The following PROS1 variants were observed in gnomAD, a reference collection of about 807,000 sequenced individuals.
PROS1 encodes protein S.
A neutral mutation model predicts 75.9 loss-of-function variants in PROS1; 29 were observed. The ratio of observed to expected loss-of-function variants is 0.38; its 90% CI spans 0.28 to 0.52. The LOEUF is 0.52. Ranked by LOEUF, PROS1 falls within the 20% of genes least tolerant of loss-of-function variation. The pLI is 0.83. For missense variants in PROS1, 680 were observed against 810.3 expected (o/e 0.84, Z 1.95); for synonymous variants, 245 against 280.6 (o/e 0.87, Z 1.27).
intron 6 of PROS1, 120 bp from the exon 7 acceptor site, chr3:93,901,049 C>A (rs943309578): frequency 1.9e-6 from 2 of 1,079,384 alleles, no homozygotes; most frequent in African/African-American, 3.2e-5. Flanking sequence ...AACAGATTGG[C>A]CTTTGGACCA....
chr3:93,969,603 T>G (rs1168960732), intron 1 of PROS1, among the ~76,000 whole-genome samples: 1 of 152,180 alleles, frequency 6.6e-6, no homozygotes, highest in Non-Finnish European at 1.5e-5. Context: ...AATTGAGTCA[T>G]CTGATTGGCA....
intron 1 of PROS1, among the ~76,000 whole-genome samples, chr3:93,941,044 C>A (rs1233737071): frequency 6.6e-6 from 1 of 152,144 alleles, no homozygotes; most frequent in Non-Finnish European, 1.5e-5. Flanking sequence ...CTGCACCCCT[C>A]ATCCCAGCCT....
chr3:93,877,604 C>T (rs1298483576), intron 13 of PROS1, among the ~76,000 whole-genome samples: 1 of 152,112 alleles, frequency 6.6e-6, no homozygotes, highest in Non-Finnish European at 1.5e-5. Context: ...TAAGCATATG[C>T]CAGCAGGACT....
chr3:93,926,357 C>T (rs957649339), intron 2 of PROS1, among the ~76,000 whole-genome samples: 3 of 152,114 alleles, frequency 2.0e-5, no homozygotes, highest in South Asian at 2.1e-4. Flanking sequence ...GTGGGCCGGG[C>T]GCAGTGGCTC....
intron 1 of PROS1, among the ~76,000 whole-genome samples, chr3:93,946,232 A>T (rs1018444991): frequency 5.3e-5 from 8 of 152,204 alleles, no homozygotes; most frequent in Non-Finnish European, 1.2e-4. Context: ...CATACTGCCC[A>T]AGGTAATTTA....
chr3:93,906,163 A>G lies in PROS1; in HGVS notation c.347-20T>C, dbSNP rs772735402. ...GAATGGCTGAAGGAAATAGACATCT[A>G]TTTATTTTTTTTATCTCATGTCATG... On this transcript the variant is annotated intron_variant, in intron 4 of 14. Transcript: ENST00000394236. 6.2e-7 allele frequency: 1 copy of G among 1,611,500 alleles called. No individual in the cohort carries two copies. The highest frequency in any genetic ancestry group is 8.5e-7 in the Non-Finnish European group (1 of 1,179,174).
chr3:93,967,012 C>T (rs1325627424), intron 1 of PROS1, among the ~76,000 whole-genome samples: 4 of 152,118 alleles, frequency 2.6e-5, no homozygotes, highest in African/African-American at 9.7e-5. Flanking sequence ...ATATGGCTTT[C>T]GGGTTGCCCC....
At chr3:93,889,816 T>C (rs942650355) in intron 10 of PROS1, among the ~76,000 whole-genome samples, 1 of 152,172 alleles carries the variant, frequency 6.6e-6, no homozygotes, top group Non-Finnish European at 1.5e-5. Flanking sequence ...GTGTTAACTG[T>C]ACAAATTGAT....
At chr3:93,909,331 C>A (rs575816306) in intron 4 of PROS1, among the ~76,000 whole-genome samples, 1 of 148,312 alleles carries the variant, frequency 6.7e-6, no homozygotes, top group East Asian at 2.1e-4. Flanking sequence ...GCTACTCAGG[C>A]GGCTGAGGCA....
intron 6 of PROS1, among the ~76,000 whole-genome samples, chr3:93,903,493 A>T (rs112842259): frequency 3.9e-4 from 59 of 152,182 alleles, no homozygotes; most frequent in African/African-American, 1.3e-3. Flanking sequence ...ACAAAACTCC[A>T]TCTGTCTCTG....
intron 10 of PROS1, among the ~76,000 whole-genome samples, chr3:93,887,615 A>G (rs1424735293): frequency 6.6e-6 from 1 of 152,244 alleles, no homozygotes; most frequent in Non-Finnish European, 1.5e-5. Flanking sequence ...AAGTTGGTCA[A>G]CACTCCTTCT....
intron 12 of PROS1, 61 bp downstream of exon 12, chr3:93,884,667 T>G: frequency 6.7e-7 from 1 of 1,492,272 alleles, no homozygotes; most frequent in Non-Finnish European, 9.3e-7. Context: ...ATTATTACTG[T>G]TTGTTAATGA....
intron 1 of PROS1, among the ~76,000 whole-genome samples, chr3:93,930,786 A>G (rs1399203462): frequency 6.6e-6 from 1 of 152,208 alleles, no homozygotes; most frequent in Non-Finnish European, 1.5e-5. Flanking sequence ...AAAAGCATGC[A>G]ACATATTTTT....
intron 3 of PROS1, among the ~76,000 whole-genome samples, chr3:93,923,315 G>A (rs1384686784): frequency 2.6e-5 from 4 of 152,062 alleles, no homozygotes; most frequent in African/African-American, 9.7e-5. Context: ...AATGTACTCT[G>A]ATCAAAGGAA....
At chr3:93,958,092 A>T (rs533975614) in intron 1 of PROS1, among the ~76,000 whole-genome samples, 27 of 152,176 alleles carry the variant, frequency 1.8e-4, no homozygotes, top group Non-Finnish European at 2.5e-4. Context: ...CATCTCAAAA[A>T]AATAATAATA....
In PROS1 at chr3:93,963,883, C is replaced by G. The variant is rs1364168178; in HGVS notation, c.76+9791G>C. On this transcript the variant is annotated intron_variant, in intron 1 of 14. Transcript: ENST00000394236. The stretch of plus-strand genomic sequence containing the variant: ...ATGGAGGTGCCTTCCCTCCCCTCCC[C>G]TTCCGTTCCCTTTCCTTTTCTTTCT... 2.6e-5 allele frequency among the ~76,000 whole-genome samples: 4 copies of G among 152,284 alleles called. No homozygotes were observed. In the East Asian group the frequency reaches 7.7e-4, roughly 29 times the overall value.
intron 11 of PROS1, 22 bp from the exon 12 acceptor site, chr3:93,884,918 C>T: frequency 6.2e-7 from 1 of 1,602,688 alleles, no homozygotes; most frequent in Non-Finnish European, 8.5e-7. Flanking sequence ...AAATACAAGT[C>T]AAGGAGTGCA....
chr3:93,925,002 A>G (rs370120977), intron 2 of PROS1, among the ~76,000 whole-genome samples: 25 of 152,198 alleles, frequency 1.6e-4, no homozygotes, highest in African/African-American at 6.0e-4. Flanking sequence ...ATTAAAGTAG[A>G]CATTTATCTT....
intron 1 of PROS1, among the ~76,000 whole-genome samples, chr3:93,956,557 C>CAA (rs1224987985): frequency 2.6e-5 from 2 of 78,104 alleles, no homozygotes; most frequent in African/African-American, 3.7e-5. Context: ...CACACACACA[C>CAA]ACACAAACAC....
Sources: allele counts gnomAD v4.1 joint callset (sites outside exome capture counted in the v4.1 genomes callset), GRCh38; gene constraint gnomAD v4.1.1; transcripts MANE v1.5; gene names NCBI Gene and HGNC (gene_info 2026-07-23, HGNC 2026-07-21).